FAM13A: variants seen among roughly 807,000 people sequenced by gnomAD.
The protein encoded by FAM13A is family with sequence similarity 13 member A.
Under a neutral mutation model 129.6 loss-of-function variants are expected in FAM13A, and 76 were observed. That is an observed-to-expected ratio of 0.59 (90% CI 0.49 to 0.71). FAM13A has a LOEUF of 0.71. Among genes scored for constraint, FAM13A ranks in the 30% least tolerant of loss-of-function variants. The pLI, the probability that FAM13A is intolerant of heterozygous loss-of-function variation, is 0.00. For synonymous variants in FAM13A, 443 were observed against 449.9 expected (o/e 0.98, Z 0.20); for missense variants, 1,108 against 1,249.3 (o/e 0.89, Z 1.70).
At chr4:88,803,842 TG>T (rs1728023484) in intron 8 of FAM13A, among the ~76,000 whole-genome samples, 2 of 152,236 alleles carry the variant, frequency 1.3e-5, no homozygotes, top group Admixed American at 6.5e-5. Context: ...GACACATTTC[TG>T]AAGTACTAGT....
chr4:88,868,106 T>C (rs1740751609), intron 6 of FAM13A, among the ~76,000 whole-genome samples: 1 of 152,216 alleles, frequency 6.6e-6, no homozygotes, highest in Non-Finnish European at 1.5e-5. Context: ...GCAGGCAGTT[T>C]TTCATTTTTG....
intron 4 of FAM13A, among the ~76,000 whole-genome samples, chr4:88,980,941 C>A (rs1487502697): frequency 6.6e-6 from 1 of 152,030 alleles, no homozygotes; most frequent in Non-Finnish European, 1.5e-5. Context: ...GATTTGAAGA[C>A]CAATAGCAGT....
chr4:89,015,920 A>G (rs548864908), intron 3 of FAM13A, among the ~76,000 whole-genome samples: 7 of 152,314 alleles, frequency 4.6e-5, no homozygotes, highest in Non-Finnish European at 7.3e-5. Context: ...ATACATACAT[A>G]TATACGTGTA....
chr4:88,881,853 T>C (rs762529764), intron 6 of FAM13A, among the ~76,000 whole-genome samples: 3 of 151,986 alleles, frequency 2.0e-5, no homozygotes, highest in African/African-American at 4.8e-5. Context: ...GTGTCAGCGA[T>C]AGAATCAAAC....
intron 4 of FAM13A, among the ~76,000 whole-genome samples, chr4:88,956,347 T>C (rs570365655): frequency 1.3e-5 from 2 of 152,332 alleles, no homozygotes; most frequent in South Asian, 4.1e-4. Flanking sequence ...ATGCTGCACA[T>C]GTTTGCAGAC....
At chr4:88,861,882 C>G (rs1739553834) in intron 6 of FAM13A, among the ~76,000 whole-genome samples, 1 of 152,112 alleles carries the variant, frequency 6.6e-6, no homozygotes, top group East Asian at 1.9e-4. Context: ...GGTGGTAGAA[C>G]AGAGATACAG....
Position 88,938,093 on chromosome 4 carries a change from C to T in FAM13A, c.754G>A (p.Val252Ile), listed in dbSNP as rs765118716. The change falls in exon 5 of 24, where the codon GTA becomes ATA. Residue 252 changes from valine (V) to isoleucine (I), a missense_variant. Around this residue, in one of 3 missense-constraint regions of FAM13A, gnomAD observed 566 missense variants for 595.7 expected, o/e 0.95. Transcript: ENST00000264344. ...RCENLARLIIVKEVYYKNSLP... is the reference protein window; with the variant it reads ...RCENLARLIIIKEVYYKNSLP... Reference sequence around the variant, plus strand: ...TTAAAAACCAAGTTGCTTACTTTTACTATGATAAGCCTAGCCAGGTTTTCA... The same window carrying T: ...TTAAAAACCAAGTTGCTTACTTTTATTATGATAAGCCTAGCCAGGTTTTCA... The T allele has an allele frequency of 6.2e-7, 1 of 1,612,490 alleles. No homozygotes were observed.
chr4:88,854,390 C>T (rs1347756292), intron 6 of FAM13A, among the ~76,000 whole-genome samples: 1 of 152,172 alleles, frequency 6.6e-6, no homozygotes, highest in African/African-American at 2.4e-5. Flanking sequence ...GCTGGAAAGA[C>T]ATACCTGCAG....
intron 4 of FAM13A, among the ~76,000 whole-genome samples, chr4:88,947,549 G>A (rs1487899271): frequency 6.6e-6 from 1 of 152,110 alleles, no homozygotes; most frequent in South Asian, 2.1e-4. Flanking sequence ...GTTTCAATTG[G>A]CATAATAATA....
chr4:88,746,262 G>A (rs1741312935), intron 19 of FAM13A, among the ~76,000 whole-genome samples: 1 of 152,140 alleles, frequency 6.6e-6, no homozygotes, highest in South Asian at 2.1e-4. Context: ...GACAAGAAGG[G>A]TGTCTGATGA....
intron 7 of FAM13A, among the ~76,000 whole-genome samples, chr4:88,845,047 T>G (rs1026157633): frequency 3.3e-5 from 5 of 152,156 alleles, no homozygotes; most frequent in Non-Finnish European, 7.4e-5. Flanking sequence ...TGGAATAATT[T>G]GTGTGACAAA....
intron 2 of FAM13A, among the ~76,000 whole-genome samples, chr4:89,026,783 A>G (rs1354243741): frequency 1.3e-5 from 2 of 152,212 alleles, no homozygotes; most frequent in African/African-American, 4.8e-5. Context: ...ATAATTCAAG[A>G]TAAGATTTGG....
At position 88,787,884 on chromosome 4, in the gene FAM13A, A is replaced by G. The variant is rs927875112; in HGVS notation, c.1140T>C (p.Asp380=). Residue 380 remains aspartate, a synonymous_variant, in exon 10 of 24, where the codon GAT becomes GAC. Coordinates refer to ENST00000264344, the MANE Select transcript of FAM13A (RefSeq NM_014883.4). ...IRSAVEQHLF[D]VNNSGGQSSE... ...AACTTTGACCTCCAGAGTTATTAAC[A>G]TCAAAAAGATGTTGTTCTACAGCTG... 2 of 1,613,566 alleles carry G rather than the reference A, an allele frequency of 1.2e-6. No homozygotes were observed. Among genetic ancestry groups the G allele is most frequent in the Non-Finnish European group, 1.7e-6 (2 of 1,179,668 alleles).
intron 6 of FAM13A, among the ~76,000 whole-genome samples, chr4:88,900,651 TA>T (rs1371178015): frequency 2.0e-5 from 3 of 152,040 alleles, no homozygotes; most frequent in Admixed American, 2.0e-4. Flanking sequence ...AAGGAAGCAC[TA>T]AACATGGAAA....
At chr4:88,918,232 T>C (rs1484856972) in intron 5 of FAM13A, among the ~76,000 whole-genome samples, 1 of 152,224 alleles carries the variant, frequency 6.6e-6, no homozygotes, top group East Asian at 1.9e-4. Context: ...TCGTGCAGCA[T>C]TGATGGTAAT....
chr4:89,030,148 C>T (rs1451347156), intron 1 of FAM13A, among the ~76,000 whole-genome samples: 2 of 152,066 alleles, frequency 1.3e-5, no homozygotes, highest in Admixed American at 6.6e-5. Context: ...GATTTGATTA[C>T]ATCTGTAAAT....
intron 4 of FAM13A, among the ~76,000 whole-genome samples, chr4:88,962,910 A>T (rs956941966): frequency 3.9e-5 from 6 of 152,204 alleles, no homozygotes; most frequent in Non-Finnish European, 8.8e-5. Context: ...TGTTCATGAC[A>T]TATTATTTAA....
chr4:88,761,443 AT>A (rs948351042), intron 13 of FAM13A, among the ~76,000 whole-genome samples: 9 of 152,246 alleles, frequency 5.9e-5, no homozygotes, highest in Admixed American at 5.2e-4. Context: ...TTATGAAAAA[AT>A]ATTAGTGAAA....
At chr4:88,980,385 GT>G (rs1348234908) in intron 4 of FAM13A, among the ~76,000 whole-genome samples, 1 of 152,166 alleles carries the variant, frequency 6.6e-6, no homozygotes, top group Non-Finnish European at 1.5e-5. Flanking sequence ...AAAAACAAAT[GT>G]ATAAACATTT....
Sources: gnomAD v4.1 joint callset for allele counts (sites outside exome capture counted in the v4.1 genomes callset) on GRCh38, gnomAD v4.1.1 for gene constraint, gnomAD v4.1.1 regional missense constraint, MANE v1.5 for transcripts, NCBI Gene and HGNC (gene_info 2026-07-23, HGNC 2026-07-21) for gene names.